Variants in MUC5B observed in about 807,000 individuals in gnomAD.
MUC5B encodes mucin-5B.
MUC5B carries 116 observed loss-of-function variants against 376.9 expected under a neutral mutation model. That is an observed-to-expected ratio of 0.31 (90% CI 0.26 to 0.36). The LOEUF (loss-of-function observed/expected upper bound fraction) is 0.36. Ranked by LOEUF, MUC5B falls within the 10% of genes least tolerant of loss-of-function variation. The pLI, the probability that MUC5B is intolerant of heterozygous loss-of-function variation, is 1.00. For missense variants in MUC5B, 7,165 were observed against 7,769.9 expected, an observed-to-expected ratio of 0.92 and a Z score of 2.93; for synonymous variants, 3,517 against 3,390.9, an observed-to-expected ratio of 1.04 and a Z score of -1.29.
chr11:1,247,108 C>A lies in MUC5B; in HGVS notation c.10228C>A (p.Pro3410Thr). The A allele has an allele frequency of 6.4e-7, 1 of 1,566,004 alleles. No individual in the cohort carries two copies. Among genetic ancestry groups the A allele is most frequent in the Non-Finnish European group, 8.7e-7 (1 of 1,155,902 alleles). The change falls in exon 31 of 49, where the codon CCA becomes ACA. Residue 3410 changes from proline to threonine, a missense_variant. Physicochemically the swap from Pro to Thr is conservative, Grantham distance 38. Coordinates refer to ENST00000529681, the MANE Select transcript of MUC5B (RefSeq NM_002458.3). ...TGSTTNPSST[P>T]GTTPIPPVLT... ...CTCCACCACCAACCCCTCCTCAACT[C>A]CAGGGACAACTCCCATCCCCCCAGT... is the stretch of plus-strand genomic sequence containing the variant.
Position 1,233,145 on chromosome 11 carries a change from C to T in MUC5B, c.2198C>T (p.Thr733Ile). ...SVSFVPVDGCTCPAGTFLNDA... is the reference protein window; with the variant it reads ...SVSFVPVDGCICPAGTFLNDA... ...TCCTTCGTGCCTGTGGACGGCTGCA[C>T]CTGCCCCGCGGGCACCTTCCTCAAT... The change falls in exon 18 of 49, where the codon ACC (threonine) becomes ATC (isoleucine). Residue 733 changes from threonine (T) to isoleucine (I), a missense_variant. By Grantham distance (89) the Thr-to-Ile change is moderately conservative. Around this residue, in one of 31 missense-constraint regions of MUC5B, gnomAD observed 530 missense variants for 604.0 expected, o/e 0.88. Coordinates refer to ENST00000529681, the MANE Select transcript of MUC5B (RefSeq NM_002458.3). 3 of 1,606,830 alleles carry T rather than the reference C, an allele frequency of 1.9e-6. No homozygotes were observed. Among genetic ancestry groups the T allele is most frequent in the South Asian group, 1.1e-5 (1 of 90,976 alleles).
At position 1,234,394 on chromosome 11, in the gene MUC5B, C is replaced by A; in HGVS notation, c.2478+89C>A. On this transcript the variant is annotated intron_variant, in intron 20 of 48. Transcript: ENST00000529681. This position sits in a 1 kb window ranked among gnomAD's most constrained non-coding sequence, Gnocchi z 6.3. ...CCCAGGGATCTGGTGGTCCTGGAGA[C>A]ACTTACCCACCTGGAAGCTCCGCCC... 6.7e-7 allele frequency: 1 copy of A among 1,496,712 alleles called. No individual in the cohort carries two copies. Among genetic ancestry groups the A allele is most frequent in the Non-Finnish European group, 9.1e-7 (1 of 1,103,542 alleles). The allele number at this position is 1,496,712 out of a possible 1,614,324, so 92.7% of individuals were successfully genotyped here.
chr11:1,261,382 T>C lies in MUC5B; in HGVS notation c.17070-7T>C. On this transcript the variant is annotated splice_region_variant and splice_polypyrimidine_tract_variant and intron_variant, in intron 48 of 48. Transcript: ENST00000529681. Reference sequence around the variant, plus strand: ...TGGCTGATGTGAGGGCCACCCTGCGTCCACAGGTACTCAGCAGAGGCCCAG... The same window carrying C: ...TGGCTGATGTGAGGGCCACCCTGCGCCCACAGGTACTCAGCAGAGGCCCAG... 1 of 1,543,014 alleles carries C rather than the reference T, an allele frequency of 6.5e-7. No homozygotes were observed. The highest frequency in any genetic ancestry group is 8.7e-7 in the Non-Finnish European group (1 of 1,145,892).
At position 1,254,422 on chromosome 11, in the gene MUC5B, C is replaced by T. The variant is rs9919637; in HGVS notation, c.15477+71C>T. 0.057 allele frequency: 88,615 copies of T among 1,562,936 alleles called. 2,952 individuals are homozygous for T. Among genetic ancestry groups the T allele is most frequent in the Admixed American group, 0.14 (7,747 of 56,822 alleles). ...GCACCTGGGCAGGCCGACTGCAGGC[C>T]GGGGTGACCCAGGTGCCGCAGCGAT... On this transcript the variant is annotated intron_variant, in intron 34 of 48. Transcript: ENST00000529681.
At position 1,225,270 on chromosome 11, in the gene MUC5B, G is replaced by A. The variant is rs148203039; in HGVS notation, c.71-411G>A. Among the ~76,000 whole-genome samples the A allele has an allele frequency of 4.7e-4, 72 of 152,380 alleles. No individual in the cohort carries two copies. The East Asian group carries it at 8.1e-3, about 17-fold the overall frequency. On this transcript the variant is annotated intron_variant, in intron 1 of 48. Coordinates refer to ENST00000529681, the MANE Select transcript of MUC5B (RefSeq NM_002458.3). ...CTTTGTCCTTCTCCAAGGGATGTGT[G>A]GGATGGGGCGAAATCCCCCCTTGGG...
rs780813451 is a variant in MUC5B at position 1,237,005 on chromosome 11, G to A, written c.3138G>A (p.Gly1046=). 2 of 1,574,742 alleles carry A rather than the reference G, an allele frequency of 1.3e-6. No individual in the cohort carries two copies. Among genetic ancestry groups the A allele is most frequent in the African/African-American group, 1.4e-5 (1 of 73,608 alleles). Residue 1046 remains glycine, a synonymous_variant, in exon 25 of 49, where the codon GGG becomes GGA. Transcript: ENST00000529681. ...CCACGCGTAGCCGGTCCGTGGTGGG[G>A]GACGCACTGGAGTTTGGGAACAGCT... ...DFATRSRSVV[G]DALEFGNSWK... is the part of the protein sequence containing the mutation.
chr11:1,228,295 C>T (rs886869010), intron 7 of MUC5B, among the ~76,000 whole-genome samples: 15 of 152,208 alleles, frequency 9.9e-5, no homozygotes, highest in African/African-American at 3.4e-4. Flanking sequence ...TCCTTGGCTC[C>T]GCCTCCTGGG....
rs1862461659 is a variant in MUC5B at position 1,246,264 on chromosome 11, T to A, written c.9384T>A (p.Thr3128=). ...ATSSMSTPSS[T]PGTTWILTEL... ...GTTCCATGTCCACCCCCTCCTCCAC[T>A]CCGGGGACGACCTGGATCCTCACAG... Residue 3128 remains threonine (T), a synonymous_variant, in exon 31 of 49, where the codon ACT becomes ACA. Coordinates refer to ENST00000529681, the MANE Select transcript of MUC5B (RefSeq NM_002458.3). 2 of 1,603,260 alleles carry A rather than the reference T, an allele frequency of 1.2e-6. No homozygotes were observed. Among genetic ancestry groups the A allele is most frequent in the African/African-American group, 2.8e-5 (2 of 71,594 alleles).
intron 10 of MUC5B, 60 bp from the exon 11 acceptor site, chr11:1,229,945 T>C: frequency 6.4e-7 from 1 of 1,558,186 alleles, no homozygotes; most frequent in East Asian, 2.3e-5. Flanking sequence ...GGTGGGGGTG[T>C]GGAGGGTGGG....
Position 1,229,690 on chromosome 11 carries a change from G to A in MUC5B, c.1103G>A (p.Gly368Asp), listed in dbSNP as rs928719366. 1.1e-5 allele frequency: 17 copies of A among 1,568,500 alleles called. No individual in the cohort carries two copies. Among genetic ancestry groups the A allele is most frequent in the Non-Finnish European group, 1.4e-5 (16 of 1,162,716 alleles). Reference sequence around the variant, plus strand: ...CCCTGCCTCACGCCGCGCCCCACAGGCACGGTGCTGGATGACATCACGCAC... The same window carrying A: ...CCCTGCCTCACGCCGCGCCCCACAGACACGGTGCTGGATGACATCACGCAC... ...HCVDGCFCPP[G>D]TVLDDITHSG... Residue 368 changes from glycine to aspartate, a missense_variant and splice_region_variant, in exon 10 of 49, where the codon GGC becomes GAC. Around this residue, in one of 31 missense-constraint regions of MUC5B, gnomAD observed 640 missense variants for 733.0 expected, o/e 0.87. Transcript: ENST00000529681.
At chr11:1,252,582 G>A (rs1213228384) in intron 32 of MUC5B, 58 bp downstream of exon 32, 25 of 1,450,478 alleles carry the variant, frequency 1.7e-5, no homozygotes, top group Non-Finnish European at 2.3e-5. Context: ...GGGTTGGCTG[G>A]AGGCACAGCC....
chr11:1,250,458 C>G lies in MUC5B; in HGVS notation c.13578C>G (p.Pro4526=), dbSNP rs1429321140. ...CAGCTACCAGCTTTACAGCCATCCCCTCCTCCTCCCTGGGCACCACCTGGA... is the reference window on the plus strand; with the variant it reads ...CAGCTACCAGCTTTACAGCCATCCCGTCCTCCTCCCTGGGCACCACCTGGA... ...TPTATSFTAI[P]SSSLGTTWTR... is the part of the protein sequence containing the mutation. Residue 4526 remains proline, a synonymous_variant, in exon 31 of 49, where the codon CCC becomes CCG. Transcript: ENST00000529681. 3 of 1,594,694 alleles carry G rather than the reference C, an allele frequency of 1.9e-6. No individual in the cohort carries two copies. The highest frequency in any genetic ancestry group is 2.6e-6 in the Non-Finnish European group (3 of 1,163,806).
intron 6 of MUC5B, 136 bp downstream of exon 6, chr11:1,227,534 A>C: frequency 2.8e-6 from 2 of 710,218 alleles, no homozygotes; most frequent in Non-Finnish European, 5.0e-6. Flanking sequence ...TGTGCCCTAC[A>C]TGGTGGGAGG....
Position 1,234,128 on chromosome 11 carries a change from G to C in MUC5B, c.2378-77G>C. ...GCTGTTAACTTGATCAGCAGGACAGGCTCAGGGCTGCCTGGGGTCAGTTGA... is the reference window on the plus strand; with the variant it reads ...GCTGTTAACTTGATCAGCAGGACAGCCTCAGGGCTGCCTGGGGTCAGTTGA... On this transcript the variant is annotated intron_variant, in intron 19 of 48. Coordinates refer to ENST00000529681, the MANE Select transcript of MUC5B (RefSeq NM_002458.3). This position sits in a 1 kb window ranked among gnomAD's most constrained non-coding sequence, Gnocchi z 6.3. The C allele has an allele frequency of 8.1e-7, 1 of 1,229,512 alleles. No homozygotes were observed. The highest frequency in any genetic ancestry group is 1.5e-5 in the African/African-American group (1 of 67,056). The allele number at this position is 1,229,512 out of a possible 1,614,324, so 76.2% of individuals were successfully genotyped here.
At chr11:1,226,143 G>T in intron 2 of MUC5B, 62 bp from the exon 3 acceptor site, 1 of 1,483,848 alleles carries the variant, frequency 6.7e-7, no homozygotes. Flanking sequence ...TGGGCCCCGG[G>T]GAGGGTGTCT....
chr11:1,252,888 A>G lies in MUC5B; in HGVS notation c.15125A>G (p.Lys5042Arg). The G allele has an allele frequency of 6.2e-7, 1 of 1,612,654 alleles. No homozygotes were observed. The highest frequency in any genetic ancestry group is 8.5e-7 in the Non-Finnish European group (1 of 1,179,862). The change falls in exon 33 of 49, where the codon AAG (lysine) becomes AGG (arginine). Residue 5042 changes from lysine to arginine, a missense_variant. Around this residue, in one of 31 missense-constraint regions of MUC5B, gnomAD observed 842 missense variants for 1,016.9 expected, o/e 0.83. Coordinates refer to ENST00000529681, the MANE Select transcript of MUC5B (RefSeq NM_002458.3). ...AACCGTGTCGTCCTGCTGGACCCAA[A>G]GCCTGTGGCCAACGTCACCTGCGTG... ...GDNRVVLLDP[K>R]PVANVTCVNK...
rs763472776 is a variant in MUC5B at position 1,242,020 on chromosome 11, C to T, written c.5140C>T (p.Pro1714Ser). The change falls in exon 31 of 49, where the codon CCA (proline) becomes TCA (serine). Residue 1714 changes from proline to serine, a missense_variant. By Grantham distance (74) the Pro-to-Ser change is moderately conservative (BLOSUM62 -1). Coordinates refer to ENST00000529681, the MANE Select transcript of MUC5B (RefSeq NM_002458.3). ...GSLGTWRPSQ[P>S]PTLAPTTMAT... ...CTTGGGCACATGGCGCCCCTCACAG[C>T]CACCCACGCTGGCCCCAACAACAAT... 1 of 1,586,372 alleles carries T rather than the reference C, an allele frequency of 6.3e-7. No homozygotes were observed. The highest frequency in any genetic ancestry group is 8.6e-7 in the Non-Finnish European group (1 of 1,167,214).
In MUC5B at chr11:1,246,177, T is replaced by G; in HGVS notation, c.9297T>G (p.Thr3099=). The G allele has an allele frequency of 6.2e-7, 1 of 1,600,628 alleles. No individual in the cohort carries two copies. The highest frequency in any genetic ancestry group is 8.5e-7 in the Non-Finnish European group (1 of 1,176,064). The stretch of plus-strand genomic sequence containing the variant: ...TGTCCACAATCCACCCCTCCTCCAC[T>G]CCGGAGACCACCCACACCTCCACAG... ...ATMSTIHPSS[T]PETTHTSTVL... Residue 3099 remains threonine (T), a synonymous_variant, in exon 31 of 49, where the codon ACT becomes ACG. Coordinates refer to ENST00000529681, the MANE Select transcript of MUC5B (RefSeq NM_002458.3).
Position 1,248,247 on chromosome 11 carries a change from C to T in MUC5B, c.11367C>T (p.Pro3789=), listed in dbSNP as rs775825307. The T allele has an allele frequency of 1.2e-6, 2 of 1,603,154 alleles. No homozygotes were observed. The highest frequency in any genetic ancestry group is 1.7e-5 in the Admixed American group (1 of 59,652). The change falls in exon 31 of 49, where the codon CCC becomes CCT. Residue 3789 remains proline, a synonymous_variant. Coordinates refer to ENST00000529681, the MANE Select transcript of MUC5B (RefSeq NM_002458.3). ...LPALRSTATT[P]TATSFTAIPS... ...CACTGAGAAGCACAGCCACCACACC[C>T]ACAGCTACCAGCTTTACAGCCATCC...
Sources: allele counts gnomAD v4.1 joint callset (sites outside exome capture counted in the v4.1 genomes callset), GRCh38; gene constraint gnomAD v4.1.1; regional missense constraint gnomAD v4.1.1; non-coding constraint Gnocchi (gnomAD v3.1); transcripts MANE v1.5; gene names NCBI Gene and HGNC (gene_info 2026-07-23, HGNC 2026-07-21).